Variants in NUDT5 observed in about 807,000 individuals in gnomAD.
NUDT5 encodes nudix hydrolase 5.
NUDT5 carries 21 observed loss-of-function variants against 34.1 expected under a neutral mutation model. That is an observed-to-expected ratio of 0.62 (90% CI 0.44 to 0.89). The LOEUF is 0.89. Among genes scored for constraint, NUDT5 ranks in the 40% least tolerant of loss-of-function variants. The pLI, the probability that NUDT5 is intolerant of heterozygous loss-of-function variation, is 0.00. For missense variants in NUDT5, 249 were observed against 274.8 expected, an observed-to-expected ratio of 0.91 and a Z score of 0.66; for synonymous variants, 85 against 97.6, an observed-to-expected ratio of 0.87 and a Z score of 0.76.
At position 12,177,612 on chromosome 10, in the gene NUDT5, G is replaced by A. The variant is rs184179139; in HGVS notation, c.289+181C>T. The stretch of plus-strand genomic sequence containing the variant: ...GGAGGTGGCCTTGTGTCGCCTTCAC[G>A]GGTTCAGAGGGTTGTTGGGGTGTCC... On this transcript the variant is annotated intron_variant, in intron 5 of 9. Transcript: ENST00000491614. Among the ~76,000 whole-genome samples the A allele has an allele frequency of 1.4e-4, 22 of 152,282 alleles. 1 individual carries two copies. The East Asian group carries it at 2.5e-3, about 17-fold the overall frequency.
At chr10:12,193,064 C>T (rs958974379) in intron 1 of NUDT5, among the ~76,000 whole-genome samples, 1 of 152,068 alleles carries the variant, frequency 6.6e-6, no homozygotes, top group African/African-American at 2.4e-5. Context: ...AAAATCCTCA[C>T]ATTTAATGCT....
chr10:12,180,868 C>T (rs1002412921), intron 3 of NUDT5, among the ~76,000 whole-genome samples: 2 of 152,234 alleles, frequency 1.3e-5, no homozygotes, highest in Admixed American at 6.5e-5. Flanking sequence ...TGGCCTTCCT[C>T]CCTCTAGTTC....
In NUDT5 at chr10:12,168,897, G is replaced by C. The variant is rs1729321709; in HGVS notation, c.551-1086C>G. Among the ~76,000 whole-genome samples, 1 of 152,018 alleles carries C rather than the reference G, an allele frequency of 6.6e-6. No individual in the cohort carries two copies. The highest frequency in any genetic ancestry group is 1.5e-5 in the Non-Finnish European group (1 of 67,976). On this transcript the variant is annotated intron_variant, in intron 9 of 9. Coordinates refer to ENST00000491614, the MANE Select transcript of NUDT5 (RefSeq NM_014142.4). This position sits in a 1 kb window ranked among gnomAD's most constrained non-coding sequence, Gnocchi z 4.8. ...CCTGCCCCAGCCTCCTGAGTAGCTG[G>C]GACTACCGGCATGTACCACCATGCC...
At position 12,175,370 on chromosome 10, in the gene NUDT5, G is replaced by T. The variant is rs1166975970; in HGVS notation, c.290-1557C>A. Among the ~76,000 whole-genome samples, 1 of 152,138 alleles carries T rather than the reference G, an allele frequency of 6.6e-6. No homozygotes were observed. The highest frequency in any genetic ancestry group is 1.5e-5 in the Non-Finnish European group (1 of 68,020). On this transcript the variant is annotated intron_variant, in intron 5 of 9. Coordinates refer to ENST00000491614, the MANE Select transcript of NUDT5 (RefSeq NM_014142.4). The surrounding 1 kb of genome is among the most constrained non-coding windows in gnomAD (Gnocchi z 4.8). ...TAAAATAATGAAAAACTCAGGCTGGGTGTGGTGGCTCACGCCTGTAATCCC... is the reference window on the plus strand; with the variant it reads ...TAAAATAATGAAAAACTCAGGCTGGTTGTGGTGGCTCACGCCTGTAATCCC...
intron 5 of NUDT5, among the ~76,000 whole-genome samples, chr10:12,174,898 TG>T (rs1479889751): frequency 1.4e-5 from 2 of 147,756 alleles, no homozygotes; most frequent in Non-Finnish European, 3.0e-5. Context: ...GGCCTGGGAA[TG>T]AAAGGCCAGA....
chr10:12,179,165 G>A (rs1213005049), intron 3 of NUDT5, 33 bp from the exon 4 acceptor site: 3 of 1,591,340 alleles, frequency 1.9e-6, no homozygotes, highest in South Asian at 2.2e-5. Flanking sequence ...AAAGTCATTA[G>A]TGCTACAGAA....
chr10:12,170,738 C>A lies in NUDT5; in HGVS notation c.529G>T (p.Asp177Tyr). The A allele has an allele frequency of 6.2e-7, 1 of 1,613,966 alleles. No homozygotes were observed. The highest frequency in any genetic ancestry group is 1.1e-5 in the South Asian group (1 of 91,060). ...TTACCATCAAGTCTCTGCAGCAGGT[C>A]ATTCTTGGGTAAAGAAATGACTTCC... ...FVEVISLPKN[D>Y]LLQRLDALVA... The change falls in exon 9 of 10, where the codon GAC (aspartate) becomes TAC (tyrosine). Residue 177 changes from aspartate (D) to tyrosine (Y), a missense_variant. Physicochemically the swap from Asp to Tyr is radical, Grantham distance 160. Coordinates refer to ENST00000491614, the MANE Select transcript of NUDT5 (RefSeq NM_014142.4). The surrounding 1 kb of genome is among the most constrained non-coding windows in gnomAD (Gnocchi z 4.9).
chr10:12,170,596 A>T lies in NUDT5; in HGVS notation c.550+121T>A. On this transcript the variant is annotated intron_variant, in intron 9 of 9. Coordinates refer to ENST00000491614, the MANE Select transcript of NUDT5 (RefSeq NM_014142.4). The surrounding 1 kb of genome is among the most constrained non-coding windows in gnomAD (Gnocchi z 4.9). ...GTCACCTGCAGTTTTACAAGTTGCT[A>T]GGCATTTGACTTTAGTGATACAAAA... The T allele has an allele frequency of 2.1e-6, 2 of 945,132 alleles. No individual in the cohort carries two copies. Among genetic ancestry groups the T allele is most frequent in the Non-Finnish European group, 3.4e-6 (2 of 586,132 alleles). The allele number at this position is 945,132 out of a possible 1,614,324, so 58.5% of individuals were successfully genotyped here.
intron 1 of NUDT5, among the ~76,000 whole-genome samples, chr10:12,195,309 A>G (rs1339990143): frequency 6.6e-6 from 1 of 152,218 alleles, no homozygotes; most frequent in Admixed American, 6.5e-5. Flanking sequence ...CGATCATCGC[A>G]GGAATACTGA....
intron 3 of NUDT5, among the ~76,000 whole-genome samples, chr10:12,183,566 A>G (rs1835078392): frequency 6.6e-6 from 1 of 152,186 alleles, no homozygotes; most frequent in Admixed American, 6.5e-5. Flanking sequence ...ATACTGATGA[A>G]TTTTTATCAC....
intron 1 of NUDT5, among the ~76,000 whole-genome samples, chr10:12,189,881 T>G (rs1459151868): frequency 6.9e-6 from 1 of 144,798 alleles, no homozygotes; most frequent in Admixed American, 7.5e-5. Flanking sequence ...TACACGATGT[T>G]GAGTGTTCTA....
intron 3 of NUDT5, among the ~76,000 whole-genome samples, chr10:12,179,550 A>G (rs1441829383): frequency 1.3e-5 from 2 of 152,256 alleles, no homozygotes; most frequent in Admixed American, 6.5e-5. Context: ...GACAACGTGA[A>G]CTATTGAGAT....
In NUDT5 at chr10:12,171,681, G is replaced by A. The variant is rs1218693844; in HGVS notation, c.488-773C>T. On this transcript the variant is annotated intron_variant, in intron 7 of 9. Coordinates refer to ENST00000491614, the MANE Select transcript of NUDT5 (RefSeq NM_014142.4). This position sits in a 1 kb window ranked among gnomAD's most constrained non-coding sequence, Gnocchi z 4.2. ...TGTATATGTGCAGTTCAAAAATTAA[G>A]ATTTATTTTATTTATTTATTTATTT... Among the ~76,000 whole-genome samples the A allele has an allele frequency of 1.4e-5, 2 of 147,200 alleles. No individual in the cohort carries two copies. The highest frequency in any genetic ancestry group is 5.0e-5 in the African/African-American group (2 of 39,992).
At chr10:12,190,524 C>T (rs561340587) in intron 1 of NUDT5, among the ~76,000 whole-genome samples, 2 of 152,150 alleles carry the variant, frequency 1.3e-5, no homozygotes, top group South Asian at 4.2e-4. Flanking sequence ...AAAGACCTGC[C>T]TCAGAGACAC....
In NUDT5 at chr10:12,171,999, A is replaced by C; in HGVS notation, c.487+766T>G. ...CTCAACCTTCCAAAGTGCTGGGATT[A>C]CAGGCATGAGCCACCACGCCCGGCA... On this transcript the variant is annotated intron_variant, in intron 7 of 9. Transcript: ENST00000491614. The surrounding 1 kb of genome is among the most constrained non-coding windows in gnomAD (Gnocchi z 4.2). Among the ~76,000 whole-genome samples the C allele has an allele frequency of 6.6e-6, 1 of 152,138 alleles. No individual in the cohort carries two copies.
At position 12,171,692 on chromosome 10, in the gene NUDT5, T is replaced by C. The variant is rs1377463773; in HGVS notation, c.488-784A>G. Among the ~76,000 whole-genome samples the C allele has an allele frequency of 2.2e-5, 1 of 45,370 alleles. No individual in the cohort carries two copies. The allele number at this position is 45,370 out of a possible 152,430, so 29.8% of individuals were successfully genotyped here. On this transcript the variant is annotated intron_variant, in intron 7 of 9. Transcript: ENST00000491614. This position sits in a 1 kb window ranked among gnomAD's most constrained non-coding sequence, Gnocchi z 4.2. ...AGTTCAAAAATTAAGATTTATTTTA[T>C]TTATTTATTTATTTATTTATTTATT...
At position 12,173,609 on chromosome 10, in the gene NUDT5, T is replaced by C; in HGVS notation, c.385+109A>G. The C allele has an allele frequency of 3.4e-6, 3 of 892,888 alleles. No individual in the cohort carries two copies. The Admixed American group carries it at 5.2e-5, about 16-fold the overall frequency. 55.3% of individuals were successfully genotyped at this position (892,888 alleles called of 1,614,324 possible). ...TTACACTTGGTGACCAGTCCTAATC[T>C]GTGATTTCTTTCTCTTCAGTGAATT... On this transcript the variant is annotated intron_variant, in intron 6 of 9. Coordinates refer to ENST00000491614, the MANE Select transcript of NUDT5 (RefSeq NM_014142.4). The surrounding 1 kb of genome is among the most constrained non-coding windows in gnomAD (Gnocchi z 4.7).
At chr10:12,186,704 T>C (rs962752104) in intron 1 of NUDT5, among the ~76,000 whole-genome samples, 3 of 151,404 alleles carry the variant, frequency 2.0e-5, no homozygotes, top group African/African-American at 7.3e-5. Context: ...CTCAGCTCAC[T>C]GCAACCTCCG....
At chr10:12,194,835 G>C (rs541954355) in intron 1 of NUDT5, among the ~76,000 whole-genome samples, 1 of 152,316 alleles carries the variant, frequency 6.6e-6, no homozygotes, top group East Asian at 1.9e-4. Flanking sequence ...CCTAAAGCTC[G>C]TGTGGTAAGC....
Sources: gnomAD v4.1 joint callset for allele counts (sites outside exome capture counted in the v4.1 genomes callset) on GRCh38, gnomAD v4.1.1 for gene constraint, Gnocchi (gnomAD v3.1) non-coding constraint, MANE v1.5 for transcripts, NCBI Gene and HGNC (gene_info 2026-07-23, HGNC 2026-07-21) for gene names.